Variants in ESRRG observed in about 807,000 individuals in gnomAD.
ESRRG encodes the protein estrogen-related receptor gamma.
In ESRRG, 13 loss-of-function variants were observed where a neutral mutation model predicts 44.0. The ratio of observed to expected loss-of-function variants is 0.30; its 90% CI spans 0.19 to 0.47. The LOEUF is 0.47. Among genes scored for constraint, ESRRG ranks in the 20% least tolerant of loss-of-function variants. ESRRG has a pLI of 1.00. For missense variants in ESRRG, 395 were observed against 580.6 expected (o/e 0.68, Z 3.29); for synonymous variants, 215 against 214.6 (o/e 1.00, Z -0.02).
chr1:216,833,639 G>A (rs1235931021), intron 2 of ESRRG, among the ~76,000 whole-genome samples: 24 of 152,110 alleles, frequency 1.6e-4, no homozygotes, highest in Admixed American at 1.6e-3. Flanking sequence ...TACCGCTTAA[G>A]GCTAAATTTA....
chr1:216,871,988 T>G (rs556190546), intron 2 of ESRRG, among the ~76,000 whole-genome samples: 1 of 152,228 alleles, frequency 6.6e-6, no homozygotes, highest in African/African-American at 2.4e-5. Context: ...ATCTTAGAGC[T>G]GACTTGCTGG....
chr1:216,640,879 CAG>C (rs1267939535), intron 3 of ESRRG, among the ~76,000 whole-genome samples: 2 of 152,146 alleles, frequency 1.3e-5, no homozygotes, highest in African/African-American at 4.8e-5. Context: ...CCACATTAAA[CAG>C]AGTCCTATAT....
At chr1:216,912,630 C>T (rs980685056) in intron 2 of ESRRG, among the ~76,000 whole-genome samples, 1 of 151,916 alleles carries the variant, frequency 6.6e-6, no homozygotes. Context: ...AAATAAGCAC[C>T]TACTACATGT....
At chr1:216,855,794 C>T (rs1365816169) in intron 2 of ESRRG, among the ~76,000 whole-genome samples, 1 of 152,150 alleles carries the variant, frequency 6.6e-6, no homozygotes, top group Non-Finnish European at 1.5e-5. Context: ...GCACGACACG[C>T]CTTGTGACAG....
chr1:216,674,752 G>A (rs973136542), intron 2 of ESRRG, among the ~76,000 whole-genome samples: 3 of 151,676 alleles, frequency 2.0e-5, no homozygotes, highest in Non-Finnish European at 2.9e-5. Flanking sequence ...CACGACTACA[G>A]GTGCATGCCA....
chr1:216,919,532 GT>G (rs1235999148), intron 2 of ESRRG, among the ~76,000 whole-genome samples: 1 of 152,094 alleles, frequency 6.6e-6, no homozygotes, highest in African/African-American at 2.4e-5. Flanking sequence ...ATGTTTTCTA[GT>G]AAACAAAGTT....
At chr1:216,771,486 T>C (rs2093377109) in intron 2 of ESRRG, among the ~76,000 whole-genome samples, 1 of 152,164 alleles carries the variant, frequency 6.6e-6, no homozygotes, top group African/African-American at 2.4e-5. Context: ...TAGTGTATTC[T>C]AATGGTGTGT....
intron 1 of ESRRG, among the ~76,000 whole-genome samples, chr1:216,714,235 T>C (rs957920770): frequency 5.3e-5 from 8 of 152,180 alleles, no homozygotes; most frequent in Admixed American, 2.6e-4. Context: ...GGCAATCTCT[T>C]TGGAATTCAG....
intron 2 of ESRRG, among the ~76,000 whole-genome samples, chr1:216,871,784 A>G (rs550195982): frequency 6.6e-6 from 1 of 152,150 alleles, no homozygotes; most frequent in African/African-American, 2.4e-5. Context: ...ATCTGTATAC[A>G]TTGAAAACTC....
At chr1:216,544,192 A>G (rs2053754316) in intron 5 of ESRRG, among the ~76,000 whole-genome samples, 3 of 152,010 alleles carry the variant, frequency 2.0e-5, no homozygotes, top group African/African-American at 7.2e-5. Context: ...AATCATTGTC[A>G]TTATTATTTT....
intron 1 of ESRRG, among the ~76,000 whole-genome samples, chr1:217,101,964 G>A (rs763154463): frequency 1.3e-5 from 2 of 151,876 alleles, no homozygotes; most frequent in African/African-American, 4.8e-5. Context: ...GCGCCACCAC[G>A]CCTGGCTAAT....
chr1:216,961,445 G>C (rs1460774169), intron 1 of ESRRG, among the ~76,000 whole-genome samples: 1 of 151,868 alleles, frequency 6.6e-6, no homozygotes, highest in Admixed American at 6.6e-5. Flanking sequence ...GAAAATAAAA[G>C]AAACCACAAA....
chr1:216,984,503 A>G (rs1207958705), intron 1 of ESRRG, among the ~76,000 whole-genome samples: 1 of 152,220 alleles, frequency 6.6e-6, no homozygotes, highest in Non-Finnish European at 1.5e-5. Flanking sequence ...TGGGGACGAC[A>G]CCTGATAATT....
At chr1:216,583,271 A>T (rs1349936163) in intron 3 of ESRRG, among the ~76,000 whole-genome samples, 1 of 152,200 alleles carries the variant, frequency 6.6e-6, no homozygotes, top group Non-Finnish European at 1.5e-5. Context: ...TAAACATATG[A>T]ACTTGTTAGC....
intron 1 of ESRRG, among the ~76,000 whole-genome samples, chr1:216,993,025 T>C (rs2075939239): frequency 6.6e-6 from 1 of 152,208 alleles, no homozygotes; most frequent in South Asian, 2.1e-4. Flanking sequence ...AATTGTTTAC[T>C]AGGTTTAGCT....
intron 5 of ESRRG, among the ~76,000 whole-genome samples, chr1:216,524,445 A>G (rs1310573030): frequency 6.6e-6 from 1 of 151,770 alleles, no homozygotes; most frequent in Non-Finnish European, 1.5e-5. Context: ...AGAGATGATA[A>G]TGATTATATT....
chr1:216,946,872 G>A (rs530600727), intron 1 of ESRRG, among the ~76,000 whole-genome samples: 1 of 151,834 alleles, frequency 6.6e-6, no homozygotes, highest in African/African-American at 2.4e-5. Context: ...GCTAATTTTT[G>A]TATTTTTAGT....
chr1:217,093,439 T>A (rs184227984), upstream of ESRRG, among the ~76,000 whole-genome samples: 1 of 151,484 alleles, frequency 6.6e-6, no homozygotes, highest in Admixed American at 6.6e-5. Context: ...TGTCTCTAAT[T>A]CCTGTGTAGA....
chr1:216,973,495 G>A (rs79329558), intron 1 of ESRRG, among the ~76,000 whole-genome samples: 2 of 152,266 alleles, frequency 1.3e-5, no homozygotes, highest in East Asian at 3.9e-4. Flanking sequence ...CCAGGGCCCA[G>A]AAGCAGTGCT....
Sources: allele counts gnomAD v4.1 joint callset (sites outside exome capture counted in the v4.1 genomes callset), GRCh38; gene constraint gnomAD v4.1.1; transcripts MANE v1.5; gene names NCBI Gene and HGNC (gene_info 2026-07-23, HGNC 2026-07-21).